The following OPCML variants were observed in gnomAD, a reference collection of about 807,000 sequenced individuals.
OPCML encodes opioid-binding protein/cell adhesion molecule.
OPCML carries 13 observed loss-of-function variants against 37.8 expected under a neutral mutation model. The observed-to-expected ratio is 0.34, with a 90% CI of 0.22 to 0.55. The LOEUF (loss-of-function observed/expected upper bound fraction) is 0.55, where lower values mean the gene tolerates loss of function less well. Among genes scored for constraint, OPCML ranks in the 20% least tolerant of loss-of-function variants. The probability of loss-of-function intolerance (pLI) is 0.91; values close to 1 mark genes in which losing one functional copy is unlikely to be tolerated. For synonymous variants in OPCML, 176 were observed against 168.8 expected (o/e 1.04, Z -0.33); for missense variants, 341 against 435.6 (o/e 0.78, Z 1.93).
intron 1 of OPCML, among the ~76,000 whole-genome samples, chr11:133,277,446 A>G (rs1942025234): frequency 6.6e-6 from 1 of 152,110 alleles, no homozygotes; most frequent in Admixed American, 6.5e-5. Context: ...ATTAATTTAT[A>G]CATTAGTTTA....
At chr11:133,108,950 T>A (rs1033332359) in intron 1 of OPCML, among the ~76,000 whole-genome samples, 4 of 152,208 alleles carry the variant, frequency 2.6e-5, no homozygotes, top group East Asian at 1.9e-4. Flanking sequence ...GCAGGCCTCA[T>A]GAGGACTCAT....
intron 1 of OPCML, among the ~76,000 whole-genome samples, chr11:133,159,338 CAGTTATGATCCGACAACA>C (rs1285387692): frequency 6.6e-6 from 1 of 152,084 alleles, no homozygotes; most frequent in Non-Finnish European, 1.5e-5. Context: ...AGGACAGGTT[CAGTTATGATCCGACAACA>C]AGTGGCCCTA....
intron 1 of OPCML, among the ~76,000 whole-genome samples, chr11:133,464,479 GA>G (rs1419328707): frequency 1.3e-5 from 2 of 152,222 alleles, no homozygotes; most frequent in African/African-American, 4.8e-5. Context: ...TGTGGCAGGA[GA>G]CCCTCATTGG....
intron 1 of OPCML, among the ~76,000 whole-genome samples, chr11:133,354,247 ATGGTGATAGTGGTGGTGGTAGTGG>A: frequency 6.7e-5 from 2 of 29,948 alleles, no homozygotes; most frequent in Non-Finnish European, 1.7e-4. Context: ...GGTGGTGATA[ATGGTGATAGTGGTGGTGGTAGTGG>A]TGGTGATAGT....
chr11:133,326,657 G>A (rs1387779282), intron 1 of OPCML, among the ~76,000 whole-genome samples: 4 of 121,962 alleles, frequency 3.3e-5, no homozygotes, highest in African/African-American at 1.2e-4. Flanking sequence ...GAGTGTGGGT[G>A]TATGTGTGTG....
At chr11:133,458,073 G>A (rs535614321) in intron 1 of OPCML, among the ~76,000 whole-genome samples, 2 of 152,054 alleles carry the variant, frequency 1.3e-5, no homozygotes, top group South Asian at 2.1e-4. Context: ...TTGAACCCAG[G>A]AGGCAGAGGT....
chr11:132,893,922 C>T (rs1943742972), intron 2 of OPCML, among the ~76,000 whole-genome samples: 3 of 152,148 alleles, frequency 2.0e-5, no homozygotes, highest in Admixed American at 2.0e-4. Context: ...GTCTGGTTGT[C>T]TACATTAAAT....
intron 1 of OPCML, among the ~76,000 whole-genome samples, chr11:132,967,431 T>C (rs991910848): frequency 1.2e-4 from 18 of 152,114 alleles, no homozygotes; most frequent in African/African-American, 4.1e-4. Context: ...GGAAAACAAG[T>C]ATCTATTTAT....
intron 1 of OPCML, among the ~76,000 whole-genome samples, chr11:133,204,909 T>A (rs201702063): frequency 7.7e-6 from 1 of 130,686 alleles, no homozygotes; most frequent in Non-Finnish European, 1.6e-5. Flanking sequence ...TATATATATA[T>A]ACATACACAT....
At chr11:132,731,661 T>A (rs1350986928) in intron 2 of OPCML, among the ~76,000 whole-genome samples, 1 of 152,208 alleles carries the variant, frequency 6.6e-6, no homozygotes, top group Admixed American at 6.5e-5. Context: ...CAGAGGGGCA[T>A]CTAACTATGA....
At chr11:132,786,191 G>A (rs550380639) in intron 2 of OPCML, among the ~76,000 whole-genome samples, 2 of 152,240 alleles carry the variant, frequency 1.3e-5, no homozygotes, top group Admixed American at 1.3e-4. Flanking sequence ...TGGTTATCAT[G>A]GAAGGGAAGA....
At chr11:132,558,966 G>A (rs557342668) in intron 3 of OPCML, among the ~76,000 whole-genome samples, 77 of 152,198 alleles carry the variant, frequency 5.1e-4, no homozygotes, top group Non-Finnish European at 1.0e-3. Flanking sequence ...CCACCAGCAA[G>A]CGCTCAATTA....
intron 1 of OPCML, among the ~76,000 whole-genome samples, chr11:132,969,553 T>G (rs1218863016): frequency 2.6e-5 from 4 of 152,218 alleles, no homozygotes; most frequent in Admixed American, 2.0e-4. Flanking sequence ...GTGTTTAAAT[T>G]GTTGTACTTA....
At chr11:132,848,484 T>A (rs1378391028) in intron 2 of OPCML, among the ~76,000 whole-genome samples, 4 of 152,212 alleles carry the variant, frequency 2.6e-5, no homozygotes, top group African/African-American at 9.6e-5. Flanking sequence ...TATTTGGCAT[T>A]TCTCTCAAGT....
intron 1 of OPCML, among the ~76,000 whole-genome samples, chr11:133,188,099 C>T (rs1938163864): frequency 6.6e-6 from 1 of 152,208 alleles, no homozygotes; most frequent in African/African-American, 2.4e-5. Context: ...ATTTTGTTCT[C>T]AAGAGGAAAT....
At chr11:133,492,712 CA>C (rs10688841) in intron 1 of OPCML, among the ~76,000 whole-genome samples, 1,610 of 126,554 alleles carry the variant, frequency 0.013, 16 homozygotes, top group Middle Eastern at 0.047. Flanking sequence ...CAATTACTGC[CA>C]AAAAAAAAAA....
At position 133,408,780 on chromosome 11, in the gene OPCML, C is replaced by T. The variant is rs1226634799; in HGVS notation, c.61+123484G>A. ...GGAGAATGTGCAAACACCACACAGA[C>T]AGTGGCCCTTCCAGGAAGCAATCTT... On this transcript the variant is annotated intron_variant, in intron 1 of 7. Coordinates refer to ENST00000524381, the MANE Select transcript of OPCML (RefSeq NM_001012393.5). Among the ~76,000 whole-genome samples the T allele has an allele frequency of 5.3e-5, 8 of 152,198 alleles. No homozygotes were observed. In the East Asian group the frequency reaches 1.3e-3, roughly 26 times the overall value.
intron 1 of OPCML, among the ~76,000 whole-genome samples, chr11:133,492,397 T>C (rs969658245): frequency 6.6e-6 from 1 of 152,148 alleles, no homozygotes; most frequent in Non-Finnish European, 1.5e-5. Context: ...AAATCAGCTT[T>C]TCACCCACAC....
chr11:132,477,976 T>C (rs1015792094), intron 4 of OPCML, among the ~76,000 whole-genome samples: 2 of 152,158 alleles, frequency 1.3e-5, no homozygotes, highest in Admixed American at 6.6e-5. Flanking sequence ...GCAAATAGAA[T>C]TGCTTATTCA....
Sources: gnomAD v4.1 joint callset for allele counts (sites outside exome capture counted in the v4.1 genomes callset) on GRCh38, gnomAD v4.1.1 for gene constraint, MANE v1.5 for transcripts, NCBI Gene and HGNC (gene_info 2026-07-23, HGNC 2026-07-21) for gene names.